The following ARL8A variants were observed in gnomAD, a reference collection of about 807,000 sequenced individuals.
ARL8A encodes ADP-ribosylation factor-like protein 8A.
Under a neutral mutation model 31.2 loss-of-function variants are expected in ARL8A, and 10 were observed. The ratio of observed to expected loss-of-function variants is 0.32; its 90% CI spans 0.20 to 0.54. The LOEUF (loss-of-function observed/expected upper bound fraction) is 0.54, where lower values mean the gene tolerates loss of function less well. Among genes scored for constraint, ARL8A ranks in the 20% least tolerant of loss-of-function variants. The pLI is 0.93. For synonymous variants in ARL8A, 70 were observed against 86.9 expected (o/e 0.81, Z 1.08); for missense variants, 129 against 242.8 (o/e 0.53, Z 3.12).
chr1:202,135,909 G>A lies in ARL8A; in HGVS notation c.279-109C>T. On this transcript the variant is annotated intron_variant, in intron 3 of 6. Coordinates refer to ENST00000272217, the MANE Select transcript of ARL8A (RefSeq NM_138795.4). The surrounding 1 kb of genome is among the most constrained non-coding windows in gnomAD (Gnocchi z 5.3). Reference sequence around the variant, plus strand: ...AGGTGAAAGCATCTGTTGCAGCTTGGTCACCTCGGGATCCATGGGCTACCT... The same window carrying A: ...AGGTGAAAGCATCTGTTGCAGCTTGATCACCTCGGGATCCATGGGCTACCT... 9.8e-7 allele frequency: 1 copy of A among 1,023,178 alleles called. No homozygotes were observed. The highest frequency in any genetic ancestry group is 1.4e-5 in the South Asian group (1 of 73,930). 63.4% of individuals were successfully genotyped at this position (1,023,178 alleles called of 1,614,324 possible).
At chr1:202,140,969 A>T (rs1428715778) in intron 1 of ARL8A, among the ~76,000 whole-genome samples, 1 of 152,190 alleles carries the variant, frequency 6.6e-6, no homozygotes, top group Admixed American at 6.5e-5. Flanking sequence ...AATAAGACTC[A>T]CAACATGCTT....
chr1:202,144,340 G>T lies in ARL8A; in HGVS notation c.123+110C>A. On this transcript the variant is annotated intron_variant, in intron 1 of 6. Transcript: ENST00000272217. This position sits in a 1 kb window ranked among gnomAD's most constrained non-coding sequence, Gnocchi z 5.2. ...CTCCTCCCCCGCCCGGCGCCCGGCC[G>T]TGCCCGGCTATGCCAGGCGGCGACC... is the stretch of plus-strand genomic sequence containing the variant. The T allele has an allele frequency of 1.3e-6, 1 of 757,290 alleles. No homozygotes were observed. The highest frequency in any genetic ancestry group is 1.6e-6 in the Non-Finnish European group (1 of 620,394). The allele number at this position is 757,290 out of a possible 1,614,324, so 46.9% of individuals were successfully genotyped here.
chr1:202,139,749 G>A (rs568355588), intron 1 of ARL8A, among the ~76,000 whole-genome samples: 1 of 142,928 alleles, frequency 7.0e-6, no homozygotes, highest in Non-Finnish European at 1.5e-5. Context: ...GGGCTCAAGC[G>A]AGGGTCTCCT....
chr1:202,137,003 T>C (rs942455530), intron 3 of ARL8A, among the ~76,000 whole-genome samples: 2 of 152,062 alleles, frequency 1.3e-5, no homozygotes, highest in East Asian at 1.9e-4. Context: ...TACAGGCGCC[T>C]GCCACCACGC....
At position 202,134,947 on chromosome 1, in the gene ARL8A, C is replaced by T. The variant is rs1344602168; in HGVS notation, c.511+203G>A. Among the ~76,000 whole-genome samples the T allele has an allele frequency of 6.6e-6, 1 of 150,542 alleles. No individual in the cohort carries two copies. The highest frequency in any genetic ancestry group is 2.0e-4 in the East Asian group (1 of 5,072). The stretch of plus-strand genomic sequence containing the variant: ...AGAAACGAGGAGGTGAAGCCCAGAG[C>T]GGGGATCGATTTGCCCGAGATCACA... On this transcript the variant is annotated intron_variant, in intron 6 of 6. Coordinates refer to ENST00000272217, the MANE Select transcript of ARL8A (RefSeq NM_138795.4). The surrounding 1 kb of genome is among the most constrained non-coding windows in gnomAD (Gnocchi z 4.2).
chr1:202,139,640 T>C lies in ARL8A; in HGVS notation c.124-1192A>G, dbSNP rs1655113607. ...GGGTGATAGCCCTGTTCCTTTTTTTTTTTTTTTTTTTTTTTTTTTTTCTGA... is the reference window on the plus strand; with the variant it reads ...GGGTGATAGCCCTGTTCCTTTTTTTCTTTTTTTTTTTTTTTTTTTTTCTGA... On this transcript the variant is annotated intron_variant, in intron 1 of 6. Coordinates refer to ENST00000272217, the MANE Select transcript of ARL8A (RefSeq NM_138795.4). Among the ~76,000 whole-genome samples the C allele has an allele frequency of 1.6e-5, 2 of 125,066 alleles. 1 individual carries two copies. Among genetic ancestry groups the C allele is most frequent in the South Asian group, 5.7e-4 (2 of 3,484 alleles). The allele number at this position is 125,066 out of a possible 152,430, so 82.0% of individuals were successfully genotyped here.
chr1:202,142,618 T>C (rs1437864267), intron 1 of ARL8A, among the ~76,000 whole-genome samples: 1 of 152,190 alleles, frequency 6.6e-6, no homozygotes, highest in African/African-American at 2.4e-5. Context: ...AAATTTAAGA[T>C]TAAAAAGGGG....
intron 3 of ARL8A, among the ~76,000 whole-genome samples, chr1:202,136,702 T>C (rs1655014596): frequency 6.6e-6 from 1 of 152,196 alleles, no homozygotes; most frequent in South Asian, 2.1e-4. Flanking sequence ...TCTGAGTAGC[T>C]GGGACTACAG....
intron 3 of ARL8A, among the ~76,000 whole-genome samples, chr1:202,136,717 G>A (rs746073252): frequency 3.9e-5 from 6 of 151,948 alleles, no homozygotes; most frequent in Non-Finnish European, 5.9e-5. Flanking sequence ...CTACAGGTGC[G>A]TGCTACCAGG....
chr1:202,138,321 A>G lies in ARL8A; in HGVS notation c.204+47T>C, dbSNP rs1012431069. 1 of 1,556,756 alleles carries G rather than the reference A, an allele frequency of 6.4e-7. No homozygotes were observed. Among genetic ancestry groups the G allele is most frequent in the Admixed American group, 1.7e-5 (1 of 59,782 alleles). On this transcript the variant is annotated intron_variant, in intron 2 of 6. Coordinates refer to ENST00000272217, the MANE Select transcript of ARL8A (RefSeq NM_138795.4). The surrounding 1 kb of genome is among the most constrained non-coding windows in gnomAD (Gnocchi z 4.4). ...CACACACACACACACACACACACAC[A>G]CACACAAAAACAGTCCTCTGCACCC...
intron 1 of ARL8A, among the ~76,000 whole-genome samples, chr1:202,139,685 G>T (rs143762669): frequency 0.013 from 1,459 of 113,662 alleles, 35 homozygotes; most frequent in African/African-American, 0.046. Context: ...TCGCTCTATG[G>T]CCCAGGCTGG....
At chr1:202,142,438 G>A (rs1272489944) in intron 1 of ARL8A, among the ~76,000 whole-genome samples, 3 of 152,176 alleles carry the variant, frequency 2.0e-5, no homozygotes. Flanking sequence ...ATTATACACG[G>A]GGTGGGCAGC....
chr1:202,135,809 A>C lies in ARL8A; in HGVS notation c.279-9T>G. Reference sequence around the variant, plus strand: ...CAGCATCCACCATGTACCTGGGGAAAGAGGCAGGGTGGGGACAAGCATGTT... The same window carrying C: ...CAGCATCCACCATGTACCTGGGGAACGAGGCAGGGTGGGGACAAGCATGTT... On this transcript the variant is annotated splice_polypyrimidine_tract_variant and intron_variant, in intron 3 of 6. Transcript: ENST00000272217. This position sits in a 1 kb window ranked among gnomAD's most constrained non-coding sequence, Gnocchi z 5.3. 1 of 1,611,478 alleles carries C rather than the reference A, an allele frequency of 6.2e-7. No individual in the cohort carries two copies. The highest frequency in any genetic ancestry group is 8.5e-7 in the Non-Finnish European group (1 of 1,177,580).
Position 202,138,242 on chromosome 1 carries a change from G to T in ARL8A, c.204+126C>A. ...CCAGCTCCTCAGCAGGGGGACCCTG[G>T]CCTCTGCCCCACTTCAGCTCGCTCC... is the stretch of plus-strand genomic sequence containing the variant. On this transcript the variant is annotated intron_variant, in intron 2 of 6. Coordinates refer to ENST00000272217, the MANE Select transcript of ARL8A (RefSeq NM_138795.4). This position sits in a 1 kb window ranked among gnomAD's most constrained non-coding sequence, Gnocchi z 4.4. 1 of 1,214,486 alleles carries T rather than the reference G, an allele frequency of 8.2e-7. No individual in the cohort carries two copies. Among genetic ancestry groups the T allele is most frequent in the African/African-American group, 1.5e-5 (1 of 66,408 alleles). 75.2% of individuals were successfully genotyped at this position (1,214,486 alleles called of 1,614,324 possible).
At chr1:202,140,605 C>T (rs1655141750) in intron 1 of ARL8A, among the ~76,000 whole-genome samples, 1 of 152,202 alleles carries the variant, frequency 6.6e-6, no homozygotes, top group Non-Finnish European at 1.5e-5. Context: ...AAACTGTACA[C>T]AATCTGTGTG....
chr1:202,135,252 C>A lies in ARL8A; in HGVS notation c.441-32G>T. Reference sequence around the variant, plus strand: ...GAAACCAGAGTAGAGTCCGCTGAGGCTACGAACGTCCAGGGGGCCTGGGGC... The same window carrying A: ...GAAACCAGAGTAGAGTCCGCTGAGGATACGAACGTCCAGGGGGCCTGGGGC... On this transcript the variant is annotated intron_variant, in intron 5 of 6. Coordinates refer to ENST00000272217, the MANE Select transcript of ARL8A (RefSeq NM_138795.4). The surrounding 1 kb of genome is among the most constrained non-coding windows in gnomAD (Gnocchi z 5.3). The A allele has an allele frequency of 6.2e-7, 1 of 1,600,294 alleles. No individual in the cohort carries two copies. Among genetic ancestry groups the A allele is most frequent in the Non-Finnish European group, 8.6e-7 (1 of 1,167,448 alleles).
Position 202,133,435 on chromosome 1 carries a change from G to T in ARL8A, c.*1032C>A, listed in dbSNP as rs969709022. The T allele has an allele frequency of 6.6e-6, 1 of 152,016 alleles. No homozygotes were observed. Among genetic ancestry groups the T allele is most frequent in the African/African-American group, 2.4e-5 (1 of 41,376 alleles). 9.4% of individuals were successfully genotyped at this position (152,016 alleles called of 1,614,324 possible). On this transcript the variant is annotated 3_prime_UTR_variant, in exon 7 of 7. Transcript: ENST00000272217. The stretch of plus-strand genomic sequence containing the variant: ...ACAAAACTGGTCATTTATTTTTTTT[G>T]TTGTCATTGTTATTAGGAAGCAAAA...
intron 3 of ARL8A, among the ~76,000 whole-genome samples, chr1:202,137,214 G>T (rs940179536): frequency 2.0e-5 from 3 of 151,964 alleles, no homozygotes; most frequent in Admixed American, 6.6e-5. Flanking sequence ...TTAAAGACAG[G>T]ATCTTGCTAT....
intron 1 of ARL8A, among the ~76,000 whole-genome samples, chr1:202,143,745 T>C (rs1432919522): frequency 6.6e-6 from 1 of 152,116 alleles, no homozygotes; most frequent in African/African-American, 2.4e-5. Flanking sequence ...CACCTCATCC[T>C]CTCTTGTCGG....
Sources: allele counts gnomAD v4.1 joint callset (sites outside exome capture counted in the v4.1 genomes callset), GRCh38; gene constraint gnomAD v4.1.1; non-coding constraint Gnocchi (gnomAD v3.1); transcripts MANE v1.5; gene names NCBI Gene and HGNC (gene_info 2026-07-23, HGNC 2026-07-21).